SMYD3: variants seen among roughly 807,000 people sequenced by gnomAD.
The protein encoded by SMYD3 is histone-lysine N-methyltransferase SMYD3.
Under a neutral mutation model 57.7 loss-of-function variants are expected in SMYD3, and 36 were observed. The ratio of observed to expected loss-of-function variants is 0.62; its 90% CI spans 0.48 to 0.82. The LOEUF is 0.82. Ranked by LOEUF, SMYD3 falls within the 40% of genes least tolerant of loss-of-function variation. SMYD3 has a pLI of 0.00. For synonymous variants in SMYD3, 211 were observed against 195.0 expected, an observed-to-expected ratio of 1.08 and a Z score of -0.68; for missense variants, 515 against 538.8, an observed-to-expected ratio of 0.96 and a Z score of 0.44.
intron 5 of SMYD3, among the ~76,000 whole-genome samples, chr1:246,012,721 G>A (rs914810198): frequency 1.3e-5 from 2 of 152,142 alleles, no homozygotes; most frequent in African/African-American, 4.8e-5. Flanking sequence ...CAGCAAAGCA[G>A]GGAAAAGGCA....
intron 10 of SMYD3, among the ~76,000 whole-genome samples, chr1:245,840,623 A>G (rs1012726424): frequency 2.0e-5 from 3 of 152,210 alleles, no homozygotes; most frequent in Admixed American, 6.5e-5. Flanking sequence ...AGAACATAAT[A>G]AAAGCTAGAT....
At chr1:246,491,002 G>A (rs1391215045) in intron 1 of SMYD3, among the ~76,000 whole-genome samples, 2 of 152,188 alleles carry the variant, frequency 1.3e-5, no homozygotes, top group Non-Finnish European at 2.9e-5. Context: ...TTAATTCTGA[G>A]GATAATCTGA....
chr1:246,258,073 G>A (rs2148514795), intron 5 of SMYD3, among the ~76,000 whole-genome samples: 1 of 152,184 alleles, frequency 6.6e-6, no homozygotes, highest in South Asian at 2.1e-4. Context: ...GTCTCACTTT[G>A]TCACCCAGGC....
intron 5 of SMYD3, among the ~76,000 whole-genome samples, chr1:246,231,517 G>A (rs2063408893): frequency 6.6e-6 from 1 of 152,120 alleles, no homozygotes; most frequent in South Asian, 2.1e-4. Context: ...ATTAAAAATT[G>A]TTTTCTGGTC....
rs563623677 is a variant in SMYD3, at chr1:246,415,113, G to A, written c.165-60019C>T. 7.9e-5 allele frequency among the ~76,000 whole-genome samples: 12 copies of A among 152,244 alleles called. No homozygotes were observed. The South Asian group carries it at 8.3e-4, about 11-fold the overall frequency. On this transcript the variant is annotated intron_variant, in intron 1 of 11. Coordinates refer to ENST00000490107, the MANE Select transcript of SMYD3 (RefSeq NM_001167740.2). Reference sequence around the variant, plus strand: ...CTTAATTTAAAGCTATTCCAGCTAGGTCTGTTTCATATTACTGTAATGAAG... The same window carrying A: ...CTTAATTTAAAGCTATTCCAGCTAGATCTGTTTCATATTACTGTAATGAAG...
At chr1:246,304,459 G>A (rs1376419006) in intron 5 of SMYD3, among the ~76,000 whole-genome samples, 2 of 152,026 alleles carry the variant, frequency 1.3e-5, no homozygotes, top group African/African-American at 4.8e-5. Context: ...ATATTTCTCT[G>A]AACATTAGTA....
chr1:246,048,619 C>T (rs901206448), intron 5 of SMYD3, among the ~76,000 whole-genome samples: 4 of 152,048 alleles, frequency 2.6e-5, no homozygotes, highest in African/African-American at 7.2e-5. Context: ...GATGGAAGCC[C>T]GACAGCCCAT....
At chr1:246,413,068 G>C (rs1392641934) in intron 1 of SMYD3, among the ~76,000 whole-genome samples, 2 of 152,116 alleles carry the variant, frequency 1.3e-5, no homozygotes, top group South Asian at 4.1e-4. Context: ...ACCAGTGCTA[G>C]GATTACAACC....
At chr1:245,915,468 T>C in intron 8 of SMYD3, 62 bp downstream of exon 8, 1 of 1,057,982 alleles carries the variant, frequency 9.5e-7, no homozygotes, top group Non-Finnish European at 1.4e-6. Context: ...CTAGGCAGAG[T>C]TCTCTGAAGA....
intron 5 of SMYD3, among the ~76,000 whole-genome samples, chr1:246,121,033 T>G (rs755840946): frequency 3.3e-5 from 5 of 152,206 alleles, no homozygotes; most frequent in African/African-American, 1.2e-4. Context: ...ATAAAACACA[T>G]TTCTTGCTTT....
intron 1 of SMYD3, among the ~76,000 whole-genome samples, chr1:246,482,162 G>GA (rs1210976766): frequency 6.0e-5 from 9 of 151,108 alleles, no homozygotes; most frequent in African/African-American, 2.2e-4. Flanking sequence ...TGTCTCAGAA[G>GA]CAAAAAAAAA....
intron 5 of SMYD3, among the ~76,000 whole-genome samples, chr1:246,160,278 G>C (rs1013287682): frequency 6.6e-6 from 1 of 152,150 alleles, no homozygotes; most frequent in Non-Finnish European, 1.5e-5. Context: ...GTTCTAGATA[G>C]AGAGAACTCT....
At chr1:246,435,285 T>C (rs1014865046) in intron 1 of SMYD3, among the ~76,000 whole-genome samples, 4 of 152,186 alleles carry the variant, frequency 2.6e-5, no homozygotes, top group Non-Finnish European at 5.9e-5. Context: ...TGCCACAAAC[T>C]TGCACATGTA....
intron 5 of SMYD3, among the ~76,000 whole-genome samples, chr1:246,133,830 C>T (rs2061625393): frequency 6.6e-6 from 1 of 152,090 alleles, no homozygotes; most frequent in Non-Finnish European, 1.5e-5. Context: ...TTATAATAGC[C>T]ACAGCTGAGC....
At chr1:245,878,187 T>TC (rs1356628441) in intron 8 of SMYD3, among the ~76,000 whole-genome samples, 3 of 151,946 alleles carry the variant, frequency 2.0e-5, no homozygotes, top group Non-Finnish European at 4.4e-5. Context: ...ACAAACAGGG[T>TC]CATTAAGTGT....
intron 5 of SMYD3, among the ~76,000 whole-genome samples, chr1:245,987,341 T>C (rs2058724185): frequency 6.6e-6 from 1 of 152,206 alleles, no homozygotes. Flanking sequence ...GCTCTGCTGT[T>C]GACTGATGTA....
At chr1:245,860,977 G>A (rs1197653956) in intron 9 of SMYD3, among the ~76,000 whole-genome samples, 1 of 152,202 alleles carries the variant, frequency 6.6e-6, no homozygotes. Flanking sequence ...GGTTCGAGGT[G>A]ACAGGCCTTA....
At chr1:245,945,597 C>T (rs1329534721) in intron 5 of SMYD3, among the ~76,000 whole-genome samples, 14 of 152,048 alleles carry the variant, frequency 9.2e-5, no homozygotes, top group Admixed American at 9.2e-4. Context: ...ACCATTTGAC[C>T]CAGCAATCTC....
At chr1:245,790,253 A>G (rs1265137846) in intron 10 of SMYD3, among the ~76,000 whole-genome samples, 2 of 152,256 alleles carry the variant, frequency 1.3e-5, no homozygotes, top group East Asian at 3.8e-4. Context: ...GGCACAAAAC[A>G]GCAACACTGA....
Sources: allele counts gnomAD v4.1 joint callset (sites outside exome capture counted in the v4.1 genomes callset), GRCh38; gene constraint gnomAD v4.1.1; transcripts MANE v1.5; gene names NCBI Gene and HGNC (gene_info 2026-07-23, HGNC 2026-07-21).